Variants in RCAN2 observed in about 807,000 individuals in gnomAD.
The protein encoded by RCAN2 is regulator of calcineurin 2.
RCAN2 carries 9 observed loss-of-function variants against 23.6 expected under a neutral mutation model. The observed-to-expected ratio is 0.38, with a 90% CI of 0.23 to 0.67. The LOEUF is 0.67. RCAN2 is among the 30% of genes least tolerant of loss of function. The pLI is 0.51. For missense variants in RCAN2, 273 were observed against 302.3 expected (o/e 0.90, Z 0.72); for synonymous variants, 109 against 115.7 (o/e 0.94, Z 0.37).
chr6:46,461,738 A>G (rs189779634), intron 1 of RCAN2, among the ~76,000 whole-genome samples: 1 of 152,292 alleles, frequency 6.6e-6, no homozygotes, highest in African/African-American at 2.4e-5. Flanking sequence ...GGCATGTGCC[A>G]CTACGCCCAG....
chr6:46,432,262 G>A (rs911117366), intron 2 of RCAN2, among the ~76,000 whole-genome samples: 21 of 152,080 alleles, frequency 1.4e-4, no homozygotes, highest in Admixed American at 5.2e-4. Flanking sequence ...TGCCCAGGCT[G>A]GTGTGCAATA....
intron 2 of RCAN2, among the ~76,000 whole-genome samples, chr6:46,437,312 T>A (rs769764872): frequency 6.6e-6 from 1 of 152,202 alleles, no homozygotes; most frequent in Non-Finnish European, 1.5e-5. Flanking sequence ...TATAATAACA[T>A]GTGTTTTGGC....
chr6:46,418,863 G>A (rs1048156177), intron 2 of RCAN2, among the ~76,000 whole-genome samples: 1 of 151,668 alleles, frequency 6.6e-6, no homozygotes, highest in African/African-American at 2.4e-5. Context: ...GCCGAGGTGG[G>A]CAGATCACAA....
intron 4 of RCAN2, among the ~76,000 whole-genome samples, chr6:46,246,399 T>C (rs1766513732): frequency 6.6e-6 from 1 of 152,166 alleles, no homozygotes; most frequent in African/African-American, 2.4e-5. Flanking sequence ...TCCTTCCAGC[T>C]GGTAGGGTTC....
chr6:46,425,426 T>C (rs140550413), intron 2 of RCAN2, among the ~76,000 whole-genome samples: 398 of 152,348 alleles, frequency 2.6e-3, no homozygotes, highest in African/African-American at 9.2e-3. Flanking sequence ...GGTAACATTT[T>C]ACCACTTTTA....
At chr6:46,319,013 A>G (rs1482480931) in intron 2 of RCAN2, among the ~76,000 whole-genome samples, 7 of 152,186 alleles carry the variant, frequency 4.6e-5, no homozygotes, top group Non-Finnish European at 8.8e-5. Flanking sequence ...TGTTTTTAAA[A>G]TTCTATTTTT....
At chr6:46,363,921 A>G (rs1053781794) in intron 2 of RCAN2, among the ~76,000 whole-genome samples, 13 of 152,246 alleles carry the variant, frequency 8.5e-5, no homozygotes, top group Non-Finnish European at 1.5e-4. Context: ...CATTAGGAAT[A>G]CTGAAATAAA....
chr6:46,291,273 C>T (rs1037362401), intron 2 of RCAN2, among the ~76,000 whole-genome samples: 33 of 115,724 alleles, frequency 2.9e-4, no homozygotes, highest in Non-Finnish European at 4.8e-4. Context: ...AATGTTAATT[C>T]GCCAGTGTTT....
intron 2 of RCAN2, among the ~76,000 whole-genome samples, chr6:46,256,097 C>T (rs186685306): frequency 2.4e-4 from 37 of 152,160 alleles, no homozygotes; most frequent in Non-Finnish European, 4.6e-4. Context: ...AGGCTGGGCA[C>T]GGTAGCTCAC....
chr6:46,331,439 T>C (rs369836994), intron 2 of RCAN2, among the ~76,000 whole-genome samples: 2 of 152,230 alleles, frequency 1.3e-5, no homozygotes, highest in African/African-American at 2.4e-5. Context: ...ATTAAACGTA[T>C]AAAACTACAA....
At chr6:46,377,304 C>T (rs1191050731) in intron 2 of RCAN2, among the ~76,000 whole-genome samples, 2 of 152,190 alleles carry the variant, frequency 1.3e-5, no homozygotes, top group African/African-American at 4.8e-5. Flanking sequence ...TTAGAGACCT[C>T]CTCCAAAGAG....
intron 2 of RCAN2, among the ~76,000 whole-genome samples, chr6:46,254,553 A>G (rs767089247): frequency 3.9e-5 from 6 of 152,176 alleles, no homozygotes; most frequent in Non-Finnish European, 8.8e-5. Flanking sequence ...AAAAGCTGGA[A>G]AAAGAGTTTG....
chr6:46,405,097 C>T (rs1220253649), intron 2 of RCAN2, among the ~76,000 whole-genome samples: 1 of 152,158 alleles, frequency 6.6e-6, no homozygotes, highest in African/African-American at 2.4e-5. Flanking sequence ...AATGAAGCCG[C>T]GGACCCTCGC....
intron 2 of RCAN2, among the ~76,000 whole-genome samples, chr6:46,345,011 T>C (rs573607016): frequency 8.2e-5 from 11 of 134,784 alleles, no homozygotes; most frequent in African/African-American, 2.7e-4. Flanking sequence ...TGATATCTAT[T>C]TAAATATACA....
chr6:46,408,614 G>A (rs1482108608), intron 2 of RCAN2, among the ~76,000 whole-genome samples: 1 of 152,022 alleles, frequency 6.6e-6, no homozygotes, highest in African/African-American at 2.4e-5. Flanking sequence ...CCACCCAAAC[G>A]GAGCAAAGCT....
chr6:46,332,690 C>T (rs1424881027), intron 2 of RCAN2, among the ~76,000 whole-genome samples: 2 of 151,974 alleles, frequency 1.3e-5, no homozygotes, highest in African/African-American at 4.8e-5. Context: ...TGCCACATTT[C>T]CTTAATCCAG....
intron 2 of RCAN2, among the ~76,000 whole-genome samples, chr6:46,298,873 G>A (rs932392080): frequency 6.6e-6 from 1 of 152,066 alleles, no homozygotes; most frequent in Non-Finnish European, 1.5e-5. Flanking sequence ...CCTATCAACA[G>A]TGGACTGGAT....
intron 2 of RCAN2, among the ~76,000 whole-genome samples, chr6:46,425,941 C>T (rs1007337495): frequency 1.3e-5 from 2 of 149,422 alleles, no homozygotes; most frequent in African/African-American, 2.5e-5. Flanking sequence ...CCTTGTCACC[C>T]AGGCCGGAGT....
intron 2 of RCAN2, among the ~76,000 whole-genome samples, chr6:46,401,406 T>C (rs957542582): frequency 1.3e-5 from 2 of 152,194 alleles, no homozygotes; most frequent in Non-Finnish European, 2.9e-5. Context: ...ACAGTAGAGA[T>C]TCAGGTGCCT....
Sources: gnomAD v4.1 joint callset for allele counts (sites outside exome capture counted in the v4.1 genomes callset) on GRCh38, gnomAD v4.1.1 for gene constraint, MANE v1.5 for transcripts, NCBI Gene and HGNC (gene_info 2026-07-23, HGNC 2026-07-21) for gene names.